GREB1L: variants seen among roughly 807,000 people sequenced by gnomAD.
GREB1L encodes GREB1-like protein.
A neutral mutation model predicts 200.8 loss-of-function variants in GREB1L; 17 were observed. That is an observed-to-expected ratio of 0.08 (90% CI 0.06 to 0.13). GREB1L has a LOEUF of 0.13. Among genes scored for constraint, GREB1L ranks in the 10% least tolerant of loss-of-function variants. The pLI, the probability that GREB1L is intolerant of heterozygous loss-of-function variation, is 1.00. For missense variants in GREB1L, 1,657 were observed against 2,367.7 expected, an observed-to-expected ratio of 0.70 and a Z score of 6.23; for synonymous variants, 789 against 893.0, an observed-to-expected ratio of 0.88 and a Z score of 2.08.
intron 1 of GREB1L, among the ~76,000 whole-genome samples, chr18:21,262,471 C>T (rs532866838): frequency 1.3e-5 from 2 of 152,210 alleles, no homozygotes; most frequent in South Asian, 2.1e-4. Context: ...TATAAGATTA[C>T]GTGCTTAGAG....
rs1272730572 is a variant in GREB1L, at chr18:21,523,023, A to G, written c.*202A>G. 2.0e-6 allele frequency: 1 copy of G among 505,832 alleles called. No individual in the cohort carries two copies. Among genetic ancestry groups the G allele is most frequent in the African/African-American group, 1.9e-5 (1 of 51,496 alleles). 31.3% of individuals were successfully genotyped at this position (505,832 alleles called of 1,614,324 possible). ...CTTCAGTTCCAATTACAGGACCCTT[A>G]AATTCAGGTAAACTCTATCCTAGGC... On this transcript the variant is annotated 3_prime_UTR_variant, in exon 33 of 33. Coordinates refer to ENST00000424526, the MANE Select transcript of GREB1L (RefSeq NM_001142966.3).
In GREB1L at chr18:21,505,320, C is replaced by T. The variant is rs1236431664; in HGVS notation, c.4073-92C>T. On this transcript the variant is annotated intron_variant, in intron 23 of 32. Coordinates refer to ENST00000424526, the MANE Select transcript of GREB1L (RefSeq NM_001142966.3). ...TTCAGAAATGCCTTTGTCCACCCAT[C>T]TGGGCTCTACGTCCCATAAAAGCCA... is the stretch of plus-strand genomic sequence containing the variant. 7.5e-6 allele frequency: 9 copies of T among 1,198,490 alleles called. No homozygotes were observed. The East Asian group carries it at 2.3e-4, about 31-fold the overall frequency. The allele number at this position is 1,198,490 out of a possible 1,614,324, so 74.2% of individuals were successfully genotyped here. A position where few individuals can be genotyped will look rare whatever the true frequency, so the allele number is the denominator to read the frequency against.
At chr18:21,349,613 G>A (rs2039404138) in intron 1 of GREB1L, among the ~76,000 whole-genome samples, 1 of 152,042 alleles carries the variant, frequency 6.6e-6, no homozygotes, top group Non-Finnish European at 1.5e-5. Context: ...ATCAGTGGCG[G>A]CATTAGATTC....
intron 1 of GREB1L, among the ~76,000 whole-genome samples, chr18:21,352,740 T>A (rs1301700363): frequency 6.6e-6 from 1 of 152,050 alleles, no homozygotes; most frequent in African/African-American, 2.4e-5. Flanking sequence ...GGCTTTTATA[T>A]TTTTAAAGTA....
intron 1 of GREB1L, among the ~76,000 whole-genome samples, chr18:21,299,852 A>G (rs757837097): frequency 6.6e-6 from 1 of 152,168 alleles, no homozygotes; most frequent in Non-Finnish European, 1.5e-5. Flanking sequence ...CTAAATTTTG[A>G]AGGGGAAAAT....
At chr18:21,505,619 C>T in intron 24 of GREB1L, 52 bp downstream of exon 24, 1 of 1,529,500 alleles carries the variant, frequency 6.5e-7, no homozygotes, top group Non-Finnish European at 8.8e-7. Context: ...GGGACACTAG[C>T]TCAGGGTGCC....
At chr18:21,290,648 G>T (rs1447836596) in intron 1 of GREB1L, among the ~76,000 whole-genome samples, 2 of 151,908 alleles carry the variant, frequency 1.3e-5, no homozygotes, top group African/African-American at 4.8e-5. Flanking sequence ...CATGGCGAAG[G>T]CCCGTCTCTA....
At chr18:21,367,158 GAGC>G (rs1291746243) in intron 2 of GREB1L, among the ~76,000 whole-genome samples, 1 of 152,162 alleles carries the variant, frequency 6.6e-6, no homozygotes, top group Non-Finnish European at 1.5e-5. Flanking sequence ...TTAGTAAAAG[GAGC>G]AGCCTCCTAA....
In GREB1L at chr18:21,456,311, T is replaced by C. The variant is rs148422686; in HGVS notation, c.2182+1748T>C. 7.2e-5 allele frequency among the ~76,000 whole-genome samples: 11 copies of C among 152,284 alleles called. No homozygotes were observed. In the Middle Eastern group the frequency reaches 0.014, roughly 188 times the overall value. On this transcript the variant is annotated intron_variant, in intron 15 of 32. Transcript: ENST00000424526. Reference sequence around the variant, plus strand: ...TCTTGCTTGATTGTACTTTTAAAAATAACTAAAAGAGTATTGTAATTGGAT... The same window carrying C: ...TCTTGCTTGATTGTACTTTTAAAAACAACTAAAAGAGTATTGTAATTGGAT...
intron 1 of GREB1L, among the ~76,000 whole-genome samples, chr18:21,311,957 T>G (rs2038798273): frequency 6.6e-6 from 1 of 152,136 alleles, no homozygotes; most frequent in Admixed American, 6.5e-5. Context: ...CCAATAGATA[T>G]TTTTCCTGAT....
At chr18:21,317,259 TA>T (rs1316211585) in intron 1 of GREB1L, among the ~76,000 whole-genome samples, 3 of 151,490 alleles carry the variant, frequency 2.0e-5, no homozygotes, top group Non-Finnish European at 4.4e-5. Flanking sequence ...ATCCCCTATC[TA>T]AAGTTATACA....
intron 15 of GREB1L, among the ~76,000 whole-genome samples, chr18:21,458,091 C>T (rs2034858521): frequency 6.6e-6 from 1 of 151,510 alleles, no homozygotes. Context: ...GCCTCAACCT[C>T]CAGAGTAGCT....
intron 1 of GREB1L, among the ~76,000 whole-genome samples, chr18:21,263,681 G>A (rs1249647638): frequency 6.6e-6 from 1 of 152,116 alleles, no homozygotes; most frequent in African/African-American, 2.4e-5. Context: ...ACATTTTAGG[G>A]TGGTAGAGCT....
intron 2 of GREB1L, among the ~76,000 whole-genome samples, chr18:21,381,283 C>G (rs2040300888): frequency 6.6e-6 from 1 of 151,938 alleles, no homozygotes; most frequent in Non-Finnish European, 1.5e-5. Context: ...TGGCAGGCGC[C>G]TGTAATCCCA....
intron 15 of GREB1L, among the ~76,000 whole-genome samples, chr18:21,455,951 A>G (rs1011070692): frequency 1.5e-5 from 2 of 131,312 alleles, no homozygotes; most frequent in African/African-American, 5.8e-5. Flanking sequence ...TTGCCCAGGC[A>G]GGAGTGCAGT....
At chr18:21,343,496 A>C (rs1432156471) in intron 1 of GREB1L, among the ~76,000 whole-genome samples, 8 of 152,154 alleles carry the variant, frequency 5.3e-5, no homozygotes, top group African/African-American at 1.9e-4. Flanking sequence ...AAGGTCATGG[A>C]ATCTTTGGAT....
At chr18:21,258,094 T>C (rs1342834146) in intron 1 of GREB1L, among the ~76,000 whole-genome samples, 1 of 152,182 alleles carries the variant, frequency 6.6e-6, no homozygotes, top group Non-Finnish European at 1.5e-5. Flanking sequence ...GATTATAAGA[T>C]TGGGATGTCA....
intron 7 of GREB1L, among the ~76,000 whole-genome samples, chr18:21,427,171 C>T (rs1483235579): frequency 2.0e-5 from 3 of 151,916 alleles, no homozygotes; most frequent in Admixed American, 6.6e-5. Context: ...TGAAGATGGG[C>T]GTCTTTACAT....
In GREB1L at chr18:21,525,706, A is replaced by G. The variant is rs1209861303; in HGVS notation, c.*2885A>G. Among the ~76,000 whole-genome samples the G allele has an allele frequency of 1.3e-5, 2 of 152,198 alleles. No individual in the cohort carries two copies. The highest frequency in any genetic ancestry group is 4.8e-5 in the African/African-American group (2 of 41,460). On this transcript the variant is annotated 3_prime_UTR_variant, in exon 33 of 33. Transcript: ENST00000424526. ...CAGTTAAAACTTCTCAAACTTTTTG[A>G]GAGTGTCTCAAAGTTGCTAGAACTA...
Sources: gnomAD v4.1 joint callset for allele counts (sites outside exome capture counted in the v4.1 genomes callset) on GRCh38, gnomAD v4.1.1 for gene constraint, MANE v1.5 for transcripts, NCBI Gene and HGNC (gene_info 2026-07-23, HGNC 2026-07-21) for gene names.